Variants in PLCB3 observed in about 807,000 individuals in gnomAD.
PLCB3 encodes the protein 1-phosphatidylinositol 4,5-bisphosphate phosphodiesterase beta-3.
Under a neutral mutation model 152.1 loss-of-function variants are expected in PLCB3, and 54 were observed. The ratio of observed to expected loss-of-function variants is 0.36; its 90% confidence interval spans 0.29 to 0.45. The LOEUF is 0.45. Among genes scored for constraint, PLCB3 ranks in the 20% least tolerant of loss-of-function variants. The pLI is 1.00. For synonymous variants in PLCB3, 717 were observed against 698.7 expected (o/e 1.03, Z -0.41); for missense variants, 1,248 against 1,687.5 (o/e 0.74, Z 4.56).
chr11:64,255,402 G>A lies in PLCB3; in HGVS notation c.474G>A (p.Thr158=), dbSNP rs1300847126. The A allele has an allele frequency of 3.1e-6, 5 of 1,614,026 alleles. No homozygotes were observed. The highest frequency in any genetic ancestry group is 4.2e-6 in the Non-Finnish European group (5 of 1,180,034). Residue 158 remains threonine, a synonymous_variant, in exon 6 of 31, where the codon ACG becomes ACA. Coordinates refer to ENST00000279230, the MANE Select transcript of PLCB3 (RefSeq NM_000932.5). The surrounding 1 kb of genome is among the most constrained non-coding windows in gnomAD (Gnocchi z 6.8). ...TCTTCATCTGCCTTCCCAGATACAC[G>A]AAGCTGAAGCTGCAGGTGAACCAGG... ...SRNTFLRKAY[T]KLKLQVNQDG... is the part of the protein sequence containing the mutation.
chr11:64,257,359 A>G (rs1000548967), intron 10 of PLCB3, among the ~76,000 whole-genome samples: 17 of 152,126 alleles, frequency 1.1e-4, no homozygotes, highest in African/African-American at 3.6e-4. Flanking sequence ...TCATGCCTGT[A>G]ATCCCAGAAC....
In PLCB3 at chr11:64,256,599, T is replaced by G; in HGVS notation, c.866-19T>G. ...CAGGTGGGACCCCAGCTGACCCTGC[T>G]GATCCTCTCCCACCCCAGACCAGAT... On this transcript the variant is annotated intron_variant, in intron 9 of 30. Coordinates refer to ENST00000279230, the MANE Select transcript of PLCB3 (RefSeq NM_000932.5). 1 of 1,613,758 alleles carries G rather than the reference T, an allele frequency of 6.2e-7. No homozygotes were observed. The highest frequency in any genetic ancestry group is 8.5e-7 in the Non-Finnish European group (1 of 1,179,782).
chr11:64,269,303 T>A (rs986398822), downstream of PLCB3, among the ~76,000 whole-genome samples: 8 of 152,210 alleles, frequency 5.3e-5, no homozygotes, highest in African/African-American at 1.9e-4. Context: ...CCTCGGGAGC[T>A]TCCGCGAGCA....
At chr11:64,260,546 C>T (rs906989397) in intron 14 of PLCB3, among the ~76,000 whole-genome samples, 5 of 151,704 alleles carry the variant, frequency 3.3e-5, no homozygotes, top group South Asian at 2.1e-4. Flanking sequence ...TGGGGCAGGG[C>T]CAGGGGGTGC....
At chr11:64,262,125 C>G in intron 17 of PLCB3, 49 bp downstream of exon 17, 1 of 1,610,754 alleles carries the variant, frequency 6.2e-7, no homozygotes, top group Non-Finnish European at 8.5e-7. Flanking sequence ...GTCTTACTGA[C>G]TTCTGACCCA....
Position 64,260,192 on chromosome 11 carries a change from AGAG to A in PLCB3, c.1695_1697del (p.Glu566del). 1 of 1,593,264 alleles carries A rather than the reference AGAG, an allele frequency of 6.3e-7. No individual in the cohort carries two copies. Among genetic ancestry groups the A allele is most frequent in the Non-Finnish European group, 8.6e-7 (1 of 1,169,280 alleles). ...GTGAGGATGAGGAGGAAGATGAGGA[AGAG>A]GAGGAACAGACAGACCCCAAAAAGC... On this transcript the variant is annotated inframe_deletion, in exon 14 of 31. Coordinates refer to ENST00000279230, the MANE Select transcript of PLCB3 (RefSeq NM_000932.5).
chr11:64,268,143 C>T (rs1250076515), downstream of PLCB3, among the ~76,000 whole-genome samples: 4 of 152,188 alleles, frequency 2.6e-5, no homozygotes, highest in Non-Finnish European at 5.9e-5. Flanking sequence ...ATCCCCATGA[C>T]TTTCGTCTCT....
intron 13 of PLCB3, 77 bp from the exon 14 acceptor site, chr11:64,259,943 TCGGCACACA>T: frequency 8.8e-7 from 1 of 1,138,448 alleles, no homozygotes; most frequent in Non-Finnish European, 1.3e-6. Context: ...CTGAGTCACC[TCGGCACACA>T]CTGGGAAAAA....
At chr11:64,251,885 T>C in intron 1 of PLCB3, 137 bp downstream of exon 1, 4 of 455,310 alleles carry the variant, frequency 8.8e-6, no homozygotes, top group Non-Finnish European at 1.5e-5. Context: ...CCCCGGAAAC[T>C]TAAGTCCCCG....
Position 64,259,197 on chromosome 11 carries a change from C to T in PLCB3, c.1478C>T (p.Ala493Val). ...CGGCCCCTGGAGCAGAGCAATTCTGCCCTGAGCGAGAGCTCCGCGGCCACC... is the reference window on the plus strand; with the variant it reads ...CGGCCCCTGGAGCAGAGCAATTCTGTCCTGAGCGAGAGCTCCGCGGCCACC... ...RKRPLEQSNS[A>V]LSESSAATEP... is the part of the protein sequence containing the mutation. The change falls in exon 13 of 31, where the codon GCC becomes GTC. Residue 493 changes from alanine to valine, a missense_variant. Ala to Val is a moderately conservative substitution (Grantham distance 64). Around this residue, in one of 6 missense-constraint regions of PLCB3, gnomAD observed 105 missense variants for 100.9 expected, o/e 1.04. Transcript: ENST00000279230. 6.3e-7 allele frequency: 1 copy of T among 1,588,368 alleles called. No individual in the cohort carries two copies. Among genetic ancestry groups the T allele is most frequent in the East Asian group, 2.3e-5 (1 of 43,274 alleles).
chr11:64,264,293 G>A (rs1219743079), intron 22 of PLCB3, among the ~76,000 whole-genome samples, 181 bp downstream of exon 22: 1 of 152,226 alleles, frequency 6.6e-6, no homozygotes, highest in Non-Finnish European at 1.5e-5. Context: ...GGTCACACCT[G>A]GGCTGGAATT....
intron 22 of PLCB3, among the ~76,000 whole-genome samples, chr11:64,264,483 C>G (rs954600540): frequency 6.6e-6 from 1 of 152,166 alleles, no homozygotes; most frequent in Non-Finnish European, 1.5e-5. Flanking sequence ...CCAGTCCCCC[C>G]AGGGCCTGCG....
At position 64,259,039 on chromosome 11, in the gene PLCB3, C is replaced by G. The variant is rs1169256711; in HGVS notation, c.1339-19C>G. 8.7e-6 allele frequency: 14 copies of G among 1,611,994 alleles called. No individual in the cohort carries two copies. Among genetic ancestry groups the G allele is most frequent in the Non-Finnish European group, 1.0e-5 (12 of 1,178,992 alleles). ...CTGCGGACCCGGTCCAGGGCCCTGA[C>G]TCGTCCATGCCTGCCCAGCTGGCCC... is the stretch of plus-strand genomic sequence containing the variant. On this transcript the variant is annotated intron_variant, in intron 12 of 30. Transcript: ENST00000279230.
At position 64,258,845 on chromosome 11, in the gene PLCB3, C is replaced by G; in HGVS notation, c.1254-40C>G. On this transcript the variant is annotated intron_variant, in intron 11 of 30. Coordinates refer to ENST00000279230, the MANE Select transcript of PLCB3 (RefSeq NM_000932.5). The surrounding 1 kb of genome is among the most constrained non-coding windows in gnomAD (Gnocchi z 7.2). ...TGTCCCGTAGACCTCAGCTTCCTCT[C>G]TGGGGGAGGGATCTCTGACCTCTGA... 1 of 1,611,438 alleles carries G rather than the reference C, an allele frequency of 6.2e-7. No individual in the cohort carries two copies. The highest frequency in any genetic ancestry group is 1.1e-5 in the South Asian group (1 of 91,018).
intron 1 of PLCB3, among the ~76,000 whole-genome samples, chr11:64,254,159 G>T (rs1241637638): frequency 6.6e-6 from 1 of 152,124 alleles, no homozygotes; most frequent in Non-Finnish European, 1.5e-5. Context: ...CCTGGGAAAG[G>T]TCAGGTAGAA....
rs775400340 is a variant in PLCB3, at chr11:64,254,446, G to A, written c.131G>A (p.Arg44His). Reference protein sequence around the residue: ...ETSSRNLVTLRVDPNGFFLYW... With the variant: ...ETSSRNLVTLHVDPNGFFLYW... ...TCCAGTCGGAACCTGGTGACCCTGCGTGTGGACCCCAATGGCTTCTTCTTG... is the reference window on the plus strand; with the variant it reads ...TCCAGTCGGAACCTGGTGACCCTGCATGTGGACCCCAATGGCTTCTTCTTG... The change falls in exon 2 of 31, where the codon CGT (arginine) becomes CAT (histidine). Residue 44 changes from arginine to histidine, a missense_variant. By Grantham distance (29) the Arg-to-His change is conservative. Around this residue, in one of 6 missense-constraint regions of PLCB3, gnomAD observed 299 missense variants for 434.7 expected, o/e 0.69. Coordinates refer to ENST00000279230, the MANE Select transcript of PLCB3 (RefSeq NM_000932.5). The A allele has an allele frequency of 8.7e-6, 14 of 1,613,888 alleles. No individual in the cohort carries two copies. The highest frequency in any genetic ancestry group is 1.2e-5 in the Non-Finnish European group (14 of 1,179,976).
At position 64,261,665 on chromosome 11, in the gene PLCB3, A is replaced by C. The variant is rs749366365; in HGVS notation, c.1913A>C (p.Glu638Ala). 12 of 1,612,604 alleles carry C rather than the reference A, an allele frequency of 7.4e-6. No homozygotes were observed. The Admixed American group carries it at 2.0e-4, about 27-fold the overall frequency. The change falls in exon 16 of 31, where the codon GAA (glutamate) becomes GCA (alanine). Residue 638 changes from glutamate (E) to alanine (A), a missense_variant and splice_region_variant. This residue lies in a region of PLCB3 where 244 missense variants were observed against 424.4 expected (regional missense o/e 0.57). Coordinates refer to ENST00000279230, the MANE Select transcript of PLCB3 (RefSeq NM_000932.5). ...QLTKSPMEFV[E>A]YNKQQLSRIY... The stretch of plus-strand genomic sequence containing the variant: ...ACCAAGAGCCCCATGGAGTTTGTGG[A>C]GTATCCTTTGAAGGTGCTGTGGGCG...
chr11:64,263,623 G>A, intron 20 of PLCB3, 26 bp downstream of exon 20: 2 of 1,606,380 alleles, frequency 1.2e-6, no homozygotes, highest in Non-Finnish European at 1.7e-6. Flanking sequence ...GCTCTGGGCA[G>A]CACAGCGGGC....
intron 18 of PLCB3, 30 bp downstream of exon 18, chr11:64,262,591 G>A: frequency 6.2e-7 from 1 of 1,612,570 alleles, no homozygotes; most frequent in East Asian, 2.2e-5. Context: ...CAGGCCAGGG[G>A]TGTCCTGGGG....
Sources: gnomAD v4.1 joint callset for allele counts (sites outside exome capture counted in the v4.1 genomes callset) on GRCh38, gnomAD v4.1.1 for gene constraint, gnomAD v4.1.1 regional missense constraint, Gnocchi (gnomAD v3.1) non-coding constraint, MANE v1.5 for transcripts, NCBI Gene and HGNC (gene_info 2026-07-23, HGNC 2026-07-21) for gene names.